The following REC8 variants were observed in gnomAD, a reference collection of about 807,000 sequenced individuals.
REC8 encodes REC8 meiotic recombination protein.
Under a neutral mutation model 78.3 loss-of-function variants are expected in REC8, and 42 were observed. That is an observed-to-expected ratio of 0.54 (90% CI 0.42 to 0.69). The LOEUF (loss-of-function observed/expected upper bound fraction) is 0.69. Among genes scored for constraint, REC8 ranks in the 30% least tolerant of loss-of-function variants. The pLI is 0.00. For synonymous variants in REC8, 268 were observed against 274.1 expected (o/e 0.98, Z 0.22); for missense variants, 581 against 715.8 (o/e 0.81, Z 2.15).
At chr14:24,176,110 A>C (rs1386113966) in intron 6 of REC8, among the ~76,000 whole-genome samples, 2 of 151,464 alleles carry the variant, frequency 1.3e-5, no homozygotes, top group Non-Finnish European at 2.9e-5. Context: ...TCTCTAGCCC[A>C]GGCTGGAGTA....
chr14:24,173,953 C>T (rs1364614779), intron 5 of REC8, among the ~76,000 whole-genome samples: 2 of 152,008 alleles, frequency 1.3e-5, no homozygotes, highest in Admixed American at 6.6e-5. Context: ...GCAACCTCTG[C>T]CTCCCCGGTT....
In REC8 at chr14:24,178,859, TGAG is replaced by T. The variant is rs775083848; in HGVS notation, c.1151_1153del (p.Glu384del). The T allele has an allele frequency of 5.0e-6, 8 of 1,613,648 alleles. No homozygotes were observed. The highest frequency in any genetic ancestry group is 1.7e-4 in the Middle Eastern group (1 of 6,060). ...CAAAAGCCCTCAGGCGAGAGCTGCC[TGAG>T]GAGGCAGCCGCTGAGGAGGAAAGGA... On this transcript the variant is annotated inframe_deletion, in exon 14 of 19. Coordinates refer to ENST00000611366, the MANE Select transcript of REC8 (RefSeq NM_001048205.2).
At chr14:24,178,317 G>A in intron 12 of REC8, 95 bp downstream of exon 12, 1 of 1,134,892 alleles carries the variant, frequency 8.8e-7, no homozygotes, top group Admixed American at 2.2e-5. Context: ...CAGGTGGGTG[G>A]GGGGAGGATT....
chr14:24,177,318 T>C, intron 8 of REC8, 35 bp from the exon 9 acceptor site: 2 of 1,614,150 alleles, frequency 1.2e-6, no homozygotes. Context: ...CATTTCTCTT[T>C]TTCTGTCCTC....
At chr14:24,174,766 G>A (rs1197209399) in intron 5 of REC8, among the ~76,000 whole-genome samples, 1 of 152,104 alleles carries the variant, frequency 6.6e-6, no homozygotes, top group Non-Finnish European at 1.5e-5. Flanking sequence ...TATTCTTACA[G>A]ACCTGGCTCA....
At chr14:24,178,944 G>A (rs530809937) in intron 14 of REC8, 28 bp downstream of exon 14, 57 of 1,611,164 alleles carry the variant, frequency 3.5e-5, no homozygotes, top group South Asian at 2.5e-4. Context: ...TTACTGCATC[G>A]CCCCAGTGCC....
Position 24,175,547 on chromosome 14 carries a change from G to A in REC8, c.467G>A (p.Arg156Gln). 3 of 1,613,422 alleles carry A rather than the reference G, an allele frequency of 1.9e-6. No individual in the cohort carries two copies. The highest frequency in any genetic ancestry group is 1.3e-5 in the African/African-American group (1 of 74,994). ...GTTTCCAATCCCTCTCCAAAGATTC[G>A]ACACCTCTTAGAGGCTGCAATCCCA... is the stretch of plus-strand genomic sequence containing the variant. ...LPSPFDIPQI[R>Q]HLLEAAIPER... The change falls in exon 6 of 19, where the codon CGA (arginine) becomes CAA (glutamine). Residue 156 changes from arginine (R) to glutamine (Q), a missense_variant. Coordinates refer to ENST00000611366, the MANE Select transcript of REC8 (RefSeq NM_001048205.2).
At chr14:24,177,635 C>T in intron 10 of REC8, 74 bp from the exon 11 acceptor site, 7 of 1,575,782 alleles carry the variant, frequency 4.4e-6, no homozygotes, top group Non-Finnish European at 6.0e-6. Flanking sequence ...AAGGGAGGAC[C>T]CTGCAGTTTC....
Position 24,178,126 on chromosome 14 carries a change from CCGT to C in REC8, c.906_908del (p.Arg304del), listed in dbSNP as rs1400677767. 3 of 1,613,886 alleles carry C rather than the reference CCGT, an allele frequency of 1.9e-6. No homozygotes were observed. Among genetic ancestry groups the C allele is most frequent in the South Asian group, 1.1e-5 (1 of 91,080 alleles). On this transcript the variant is annotated inframe_deletion, in exon 12 of 19. Transcript: ENST00000611366. ...CAGTCCCCCCACCTCCTCGCCGCCG[CCGT>C]CGTCGCCGGTTACTGTTCTGGGACA... is the stretch of plus-strand genomic sequence containing the variant.
At chr14:24,179,237 G>A in intron 15 of REC8, 104 bp downstream of exon 15, 1 of 1,229,448 alleles carries the variant, frequency 8.1e-7, no homozygotes, top group Non-Finnish European at 1.2e-6. Flanking sequence ...AGGCGTGTGT[G>A]TGTGACATAA....
chr14:24,178,233 C>T lies in REC8; in HGVS notation c.996+11C>T, dbSNP rs1013341041. ...CACTGCTGGGAATGTGTGAGTGCAG[C>T]CCAGGCTTTGCCGGGGAAGGGAGGG... On this transcript the variant is annotated intron_variant, in intron 12 of 18. Coordinates refer to ENST00000611366, the MANE Select transcript of REC8 (RefSeq NM_001048205.2). 6.2e-6 allele frequency: 10 copies of T among 1,610,184 alleles called. No homozygotes were observed. The highest frequency in any genetic ancestry group is 6.8e-6 in the Non-Finnish European group (8 of 1,176,856).
At position 24,178,552 on chromosome 14, in the gene REC8, C is replaced by T. The variant is rs1445048810; in HGVS notation, c.997-54C>T. 13 of 1,571,310 alleles carry T rather than the reference C, an allele frequency of 8.3e-6. No homozygotes were observed. The East Asian group carries it at 2.9e-4, about 35-fold the overall frequency. ...AGTGCATTGCAAAGAGGCAAAGGGG[C>T]CCTGAGGAGTGGCTGCTTTATAATG... is the stretch of plus-strand genomic sequence containing the variant. On this transcript the variant is annotated intron_variant, in intron 12 of 18. Coordinates refer to ENST00000611366, the MANE Select transcript of REC8 (RefSeq NM_001048205.2).
In REC8 at chr14:24,175,541, A is replaced by G. The variant is rs1472729624; in HGVS notation, c.463-2A>G. The G allele has an allele frequency of 1.2e-6, 2 of 1,613,184 alleles. No homozygotes were observed. Among genetic ancestry groups the G allele is most frequent in the Non-Finnish European group, 1.7e-6 (2 of 1,179,196 alleles). ...TCTTTTGTTTCCAATCCCTCTCCAAAGATTCGACACCTCTTAGAGGCTGCA... is the reference window on the plus strand; with the variant it reads ...TCTTTTGTTTCCAATCCCTCTCCAAGGATTCGACACCTCTTAGAGGCTGCA... On this transcript the variant is annotated splice_acceptor_variant, in intron 5 of 18. Coordinates refer to ENST00000611366, the MANE Select transcript of REC8 (RefSeq NM_001048205.2). LOFTEE classifies it high-confidence loss of function.
rs773319545 is a variant in REC8, at chr14:24,179,439, G to A, written c.1295G>A (p.Ser432Asn). The part of the protein sequence containing the change: ...EAAEEEKSRI[S>N]LIPPEERWAW... ...GCTGAAGAGGAGAAGTCCCGCATCAGCCTCATCCCACCAGAAGAACGGTGG... is the reference window on the plus strand; with the variant it reads ...GCTGAAGAGGAGAAGTCCCGCATCAACCTCATCCCACCAGAAGAACGGTGG... The change falls in exon 16 of 19, where the codon AGC (serine) becomes AAC (asparagine). Residue 432 changes from serine to asparagine, a missense_variant. Ser to Asn is a conservative substitution (Grantham distance 46). Coordinates refer to ENST00000611366, the MANE Select transcript of REC8 (RefSeq NM_001048205.2). The A allele has an allele frequency of 1.2e-6, 2 of 1,614,164 alleles. No homozygotes were observed. The highest frequency in any genetic ancestry group is 1.1e-5 in the South Asian group (1 of 91,086).
chr14:24,172,143 G>GCT lies in REC8; in HGVS notation c.-410_-409insCT, dbSNP rs2038696749. The GCT allele has an allele frequency of 4.9e-6, 1 of 202,432 alleles. No homozygotes were observed. 12.5% of individuals were successfully genotyped at this position (202,432 alleles called of 1,614,324 possible). ...CGCCCAAGCCAGTGCAAGGCCCAGG[G>GCT]GCCTGACATCGCTCCCAGCGCTCGA... On this transcript the variant is annotated 5_prime_UTR_variant, in exon 1 of 19. Transcript: ENST00000611366.
intron 5 of REC8, among the ~76,000 whole-genome samples, chr14:24,174,507 A>G (rs1335084359): frequency 6.6e-6 from 1 of 151,666 alleles, no homozygotes; most frequent in Non-Finnish European, 1.5e-5. Context: ...TGAACTCCTG[A>G]TCTCAGGCAC....
intron 11 of REC8, 107 bp from the exon 12 acceptor site, chr14:24,177,984 C>T: frequency 6.6e-7 from 1 of 1,525,808 alleles, no homozygotes; most frequent in Admixed American, 2.1e-5. Flanking sequence ...CAAGCCCTCT[C>T]CAGGTTCCTC....
chr14:24,180,406 G>A, downstream of REC8: 3 of 1,592,696 alleles, frequency 1.9e-6, no homozygotes, highest in Non-Finnish European at 1.7e-6. Flanking sequence ...GGCCTGGGCA[G>A]GCTCTATTCT....
rs1195286719 is a variant in REC8 at position 24,172,259 on chromosome 14, A to G, written c.-294A>G. On this transcript the variant is annotated 5_prime_UTR_variant, in exon 1 of 19. Coordinates refer to ENST00000611366, the MANE Select transcript of REC8 (RefSeq NM_001048205.2). ...GTCCCCTTGGAGCTCTGCATCTCCA[A>G]CCTGGAACCCAACCCAGAAGTCTCA... 1 of 473,430 alleles carries G rather than the reference A, an allele frequency of 2.1e-6. No individual in the cohort carries two copies. The highest frequency in any genetic ancestry group is 3.8e-5 in the Admixed American group (1 of 26,476). 29.3% of individuals were successfully genotyped at this position (473,430 alleles called of 1,614,324 possible).
Sources: allele counts gnomAD v4.1 joint callset (sites outside exome capture counted in the v4.1 genomes callset), GRCh38; gene constraint gnomAD v4.1.1; transcripts MANE v1.5; gene names NCBI Gene and HGNC (gene_info 2026-07-23, HGNC 2026-07-21).